The following RAB28 variants were observed in gnomAD, a reference collection of about 807,000 sequenced individuals.
RAB28 encodes the protein ras-related protein Rab-28.
In RAB28, 24 loss-of-function variants were observed where a neutral mutation model predicts 31.7. The observed-to-expected ratio is 0.76, with a 90% confidence interval of 0.55 to 1.06. The LOEUF is 1.06. RAB28 is among the 50% of genes least tolerant of loss of function. The pLI is 0.00. For missense variants in RAB28, 254 were observed against 258.5 expected (o/e 0.98, Z 0.12); for synonymous variants, 100 against 90.4 (o/e 1.11, Z -0.60).
Position 13,479,437 on chromosome 4 carries a change from T to C in RAB28, c.165A>G (p.Thr55=), listed in dbSNP as rs987655369. 2.9e-5 allele frequency: 47 copies of C among 1,596,902 alleles called. No homozygotes were observed. Among genetic ancestry groups the C allele is most frequent in the Middle Eastern group, 3.3e-4 (2 of 6,040 alleles). ...GACTTTTTAGTCTCTTACCTGGCAA[T>C]GTTATCCTTCTCAAAAAGAAATCCA... The part of the protein sequence containing the change: ...IGLDFFLRRI[T]LPGNLNVTLQ... Residue 55 remains threonine (T), a synonymous_variant, in exon 2 of 7, where the codon ACA becomes ACG. Coordinates refer to ENST00000330852, the MANE Select transcript of RAB28 (RefSeq NM_001017979.3).
chr4:13,384,426 C>T (rs529603314), intron 4 of RAB28, among the ~76,000 whole-genome samples: 8 of 152,290 alleles, frequency 5.3e-5, no homozygotes, highest in Admixed American at 1.3e-4. Context: ...ATCCCACTGC[C>T]GCTGCCTTAC....
chr4:13,371,907 C>A (rs1294390730), intron 6 of RAB28: 2 of 1,482,666 alleles, frequency 1.3e-6, no homozygotes, highest in Middle Eastern at 3.4e-4. Context: ...ACAAGCTTAA[C>A]CCTGATATTT....
chr4:13,419,188 A>G (rs1231442561), intron 4 of RAB28, among the ~76,000 whole-genome samples: 1 of 152,218 alleles, frequency 6.6e-6, no homozygotes, highest in Non-Finnish European at 1.5e-5. Flanking sequence ...TCAATTCAAC[A>G]AAAAGAGCCA....
chr4:13,406,931 T>C (rs1338938530), intron 4 of RAB28, among the ~76,000 whole-genome samples: 3 of 152,228 alleles, frequency 2.0e-5, no homozygotes, highest in Non-Finnish European at 4.4e-5. Context: ...GCAAAAATTT[T>C]CTCCCATTCT....
chr4:13,389,281 T>C (rs1236208192), intron 4 of RAB28, among the ~76,000 whole-genome samples: 1 of 152,112 alleles, frequency 6.6e-6, no homozygotes, highest in Non-Finnish European at 1.5e-5. Context: ...GAAAGTAGAA[T>C]AGTGGTTGCC....
intron 4 of RAB28, 53 bp from the exon 5 acceptor site, chr4:13,381,647 G>A (rs1729135206): frequency 8.4e-6 from 11 of 1,309,320 alleles, no homozygotes; most frequent in South Asian, 8.3e-5. Flanking sequence ...CTATCAAAAC[G>A]TTTTTAACAT....
At position 13,409,754 on chromosome 4, in the gene RAB28, A is replaced by G. The variant is rs538049037; in HGVS notation, c.392-28160T>C. 3.9e-5 allele frequency among the ~76,000 whole-genome samples: 6 copies of G among 152,344 alleles called. No homozygotes were observed. In the South Asian group the frequency reaches 8.3e-4, roughly 21 times the overall value. On this transcript the variant is annotated intron_variant, in intron 4 of 6. Transcript: ENST00000330852. ...TCATGCAAAATGTCTCTTGTGGCCA[A>G]TGCTAACCAGAACAATACAGATGAA...
intron 4 of RAB28, among the ~76,000 whole-genome samples, chr4:13,416,177 C>G (rs1712768993): frequency 6.6e-6 from 1 of 152,162 alleles, no homozygotes; most frequent in South Asian, 2.1e-4. Flanking sequence ...CAGTAGCAAC[C>G]TGCTCAGGTC....
At chr4:13,478,900 T>A (rs1044666348) in intron 2 of RAB28, among the ~76,000 whole-genome samples, 3 of 151,604 alleles carry the variant, frequency 2.0e-5, no homozygotes, top group African/African-American at 7.2e-5. Flanking sequence ...TTTTTATGAG[T>A]GCCTAGGGAC....
chr4:13,368,474 C>T lies in RAB28; in HGVS notation c.*84G>A, dbSNP rs1728594142. The T allele has an allele frequency of 6.7e-7, 1 of 1,485,622 alleles. No individual in the cohort carries two copies. Among genetic ancestry groups the T allele is most frequent in the Non-Finnish European group, 8.9e-7 (1 of 1,122,862 alleles). The allele number at this position is 1,485,622 out of a possible 1,614,324, so 92.0% of individuals were successfully genotyped here. On this transcript the variant is annotated 3_prime_UTR_variant, in exon 7 of 7. Coordinates refer to ENST00000330852, the MANE Select transcript of RAB28 (RefSeq NM_001017979.3). ...GTTAACTGAACTACAGAGATGGTCACTGATAAAACAAGTTCCTAGAAGTCC... is the reference window on the plus strand; with the variant it reads ...GTTAACTGAACTACAGAGATGGTCATTGATAAAACAAGTTCCTAGAAGTCC...
chr4:13,415,842 G>A (rs1303676378), intron 4 of RAB28, among the ~76,000 whole-genome samples: 1 of 152,220 alleles, frequency 6.6e-6, no homozygotes. Flanking sequence ...AGCCAGCTGG[G>A]CTCCTGACTG....
chr4:13,370,217 C>A (rs1389180707), intron 6 of RAB28: 7 of 971,814 alleles, frequency 7.2e-6, no homozygotes, highest in Middle Eastern at 5.2e-4. Context: ...TATTTAATTA[C>A]TGAAATAGAT....
rs147043367 is a variant in RAB28 at position 13,479,095 on chromosome 4, C to G, written c.172+335G>C. ...AAAATAATCCTTCCCAATCTTTTCA[C>G]ATTTTGTTAATACAATATCTGTTGA... On this transcript the variant is annotated intron_variant, in intron 2 of 6. Coordinates refer to ENST00000330852, the MANE Select transcript of RAB28 (RefSeq NM_001017979.3). 2.6e-3 allele frequency among the ~76,000 whole-genome samples: 402 copies of G among 151,836 alleles called. 5 individuals are homozygous for G. The highest frequency in any genetic ancestry group is 6.0e-3 in the Admixed American group (92 of 15,246).
chr4:13,448,940 G>A (rs565709038), intron 4 of RAB28, among the ~76,000 whole-genome samples: 2 of 148,932 alleles, frequency 1.3e-5, no homozygotes, highest in South Asian at 4.2e-4. Context: ...CAGCAATAGA[G>A]ACAGAAATAT....
At chr4:13,425,974 G>C (rs1038310343) in intron 4 of RAB28, among the ~76,000 whole-genome samples, 40 of 152,026 alleles carry the variant, frequency 2.6e-4, no homozygotes, top group Non-Finnish European at 5.7e-4. Context: ...TTTTATAGCA[G>C]TGAAATATAA....
chr4:13,396,501 T>C (rs1324045374), intron 4 of RAB28, among the ~76,000 whole-genome samples: 3 of 152,056 alleles, frequency 2.0e-5, no homozygotes, highest in East Asian at 3.8e-4. Flanking sequence ...ATTAGAAGAA[T>C]TGCTAATGCA....
intron 4 of RAB28, among the ~76,000 whole-genome samples, chr4:13,425,233 C>T (rs571609063): frequency 3.9e-5 from 6 of 152,176 alleles, no homozygotes; most frequent in Non-Finnish European, 7.4e-5. Context: ...CAAAACTAGA[C>T]AAGAAACATT....
At chr4:13,397,400 C>G (rs1729916105) in intron 4 of RAB28, among the ~76,000 whole-genome samples, 1 of 152,106 alleles carries the variant, frequency 6.6e-6, no homozygotes, top group Admixed American at 6.5e-5. Flanking sequence ...GGGGTGCTAG[C>G]AATGCTCTAT....
chr4:13,395,722 T>C (rs1729848376), intron 4 of RAB28, among the ~76,000 whole-genome samples: 1 of 152,102 alleles, frequency 6.6e-6, no homozygotes, highest in South Asian at 2.1e-4. Context: ...TACTGATAGA[T>C]TTGTATCAGC....
Sources: allele counts gnomAD v4.1 joint callset (sites outside exome capture counted in the v4.1 genomes callset), GRCh38; gene constraint gnomAD v4.1.1; transcripts MANE v1.5; gene names NCBI Gene and HGNC (gene_info 2026-07-23, HGNC 2026-07-21).